Variants in MKRN2 observed in about 807,000 individuals in gnomAD.
The protein encoded by MKRN2 is E3 ubiquitin-protein ligase makorin-2.
A neutral mutation model predicts 45.4 loss-of-function variants in MKRN2; 32 were observed. The ratio of observed to expected loss-of-function variants is 0.70; its 90% CI spans 0.53 to 0.95. MKRN2 has a LOEUF of 0.95. Among genes scored for constraint, MKRN2 ranks in the 40% least tolerant of loss-of-function variants. The pLI is 0.00. For synonymous variants in MKRN2, 206 were observed against 192.4 expected (o/e 1.07, Z -0.59); for missense variants, 526 against 536.7 (o/e 0.98, Z 0.20).
At position 12,582,283 on chromosome 3, in the gene MKRN2, T is replaced by C; in HGVS notation, c.*30T>C. ...TAGATGGTTGCCCTGCATCTTGGGC[T>C]CCATCGGCCGAAACTTTCCCAAGCC... is the stretch of plus-strand genomic sequence containing the variant. On this transcript the variant is annotated 3_prime_UTR_variant, in exon 8 of 8. Coordinates refer to ENST00000170447, the MANE Select transcript of MKRN2 (RefSeq NM_014160.5). 6.2e-7 allele frequency: 1 copy of C among 1,609,722 alleles called. No individual in the cohort carries two copies. The highest frequency in any genetic ancestry group is 8.5e-7 in the Non-Finnish European group (1 of 1,176,430).
chr3:12,576,831 C>A, intron 6 of MKRN2, 90 bp downstream of exon 6: 1 of 805,004 alleles, frequency 1.2e-6, no homozygotes, highest in Non-Finnish European at 2.0e-6. Flanking sequence ...GGAGTGTGGT[C>A]TTAGGGGCCT....
Position 12,572,270 on chromosome 3 carries a change from G to A in MKRN2, c.539G>A (p.Arg180Gln), listed in dbSNP as rs771495910. The A allele has an allele frequency of 1.5e-5, 24 of 1,613,932 alleles. No individual in the cohort carries two copies. The highest frequency in any genetic ancestry group is 8.0e-5 in the African/African-American group (6 of 74,888). The change falls in exon 4 of 8, where the codon CGG (arginine) becomes CAG (glutamine). Residue 180 changes from arginine (R) to glutamine (Q), a missense_variant. By Grantham distance (43) the Arg-to-Gln change is conservative. Transcript: ENST00000170447. ...LCPYAAAGEC[R>Q]FGDACVYLHG... ...CCCTACGCAGCTGCTGGGGAGTGCC[G>A]GTTTGGGGATGCCTGTGTCTACCTG...
intron 6 of MKRN2, 190 bp downstream of exon 6, chr3:12,576,931 G>GTGTTTTTGTTTTTTTTT (rs1175738358): frequency 1.6e-5 from 2 of 124,118 alleles, no homozygotes; most frequent in African/African-American, 1.1e-4. Context: ...TTTAGTTTTG[G>GTGTTTTTGTTTTTTTTT]TGTTTTTTTT....
chr3:12,565,267 G>A (rs946953540), intron 1 of MKRN2, among the ~76,000 whole-genome samples: 30 of 152,228 alleles, frequency 2.0e-4, no homozygotes, highest in African/African-American at 7.2e-4. Context: ...TAGGTCCCAC[G>A]TACAGCCTCT....
chr3:12,572,316 C>G lies in MKRN2; in HGVS notation c.585C>G (p.Ile195Met). The G allele has an allele frequency of 6.2e-7, 1 of 1,610,528 alleles. No homozygotes were observed. Among genetic ancestry groups the G allele is most frequent in the Non-Finnish European group, 8.5e-7 (1 of 1,177,288 alleles). ...CVYLHGEVCE[I>M]CRLQVLHPFD... ...ACCTGCACGGGGAGGTGTGTGAAAT[C>G]TGTAGGCTGCAAGTCTTGCACCCAT... The change falls in exon 4 of 8, where the codon ATC becomes ATG. Residue 195 changes from isoleucine (I) to methionine (M), a missense_variant. Physicochemically the swap from Ile to Met is conservative, Grantham distance 10. Transcript: ENST00000170447.
chr3:12,568,681 T>A (rs2058082342), intron 1 of MKRN2, among the ~76,000 whole-genome samples, 194 bp from the exon 2 acceptor site: 1 of 152,208 alleles, frequency 6.6e-6, no homozygotes, highest in Non-Finnish European at 1.5e-5. Flanking sequence ...AAAGCTGTCA[T>A]TGAATCAGTT....
At chr3:12,569,093 T>C in intron 2 of MKRN2, 90 bp downstream of exon 2, 2 of 1,421,202 alleles carry the variant, frequency 1.4e-6, no homozygotes, top group Non-Finnish European at 1.9e-6. Context: ...GTAAAAGTAA[T>C]ATGGCAACAT....
chr3:12,577,491 GA>G (rs1445791978), intron 6 of MKRN2, among the ~76,000 whole-genome samples: 1 of 151,234 alleles, frequency 6.6e-6, no homozygotes, highest in Non-Finnish European at 1.5e-5. Context: ...TCATCTCCTT[GA>G]ACATAGTTGT....
chr3:12,563,133 A>G (rs1222737302), intron 1 of MKRN2, among the ~76,000 whole-genome samples: 2 of 152,144 alleles, frequency 1.3e-5, no homozygotes, highest in Non-Finnish European at 2.9e-5. Context: ...GGATGGCACC[A>G]TTGTATAGTC....
intron 5 of MKRN2, among the ~76,000 whole-genome samples, chr3:12,575,463 A>G (rs554660242): frequency 7.9e-5 from 12 of 152,320 alleles, no homozygotes; most frequent in Admixed American, 3.3e-4. Flanking sequence ...GATGTGCTCA[A>G]TGTGGCCAAC....
rs1256621194 is a variant in MKRN2 at position 12,575,001 on chromosome 3, C to T, written c.852C>T (p.Ile284=). 1 of 1,613,570 alleles carries T rather than the reference C, an allele frequency of 6.2e-7. No individual in the cohort carries two copies. The highest frequency in any genetic ancestry group is 8.5e-7 in the Non-Finnish European group (1 of 1,179,494). ...WRCAKQFENP[I]IKSCPECRVI... The stretch of plus-strand genomic sequence containing the variant: ...GTGCCAAACAGTTTGAAAACCCAAT[C>T]ATTAAGTAAGTACAGCCAGGGGTCT... The change falls in exon 5 of 8, where the codon ATC becomes ATT. Residue 284 remains isoleucine, a synonymous_variant. Transcript: ENST00000170447.
At chr3:12,566,973 T>A (rs993557612) in intron 1 of MKRN2, among the ~76,000 whole-genome samples, 4 of 152,212 alleles carry the variant, frequency 2.6e-5, no homozygotes, top group African/African-American at 9.6e-5. Context: ...TTTCAGCATA[T>A]TGAGCATATG....
intron 6 of MKRN2, among the ~76,000 whole-genome samples, chr3:12,577,756 A>G (rs1363350330): frequency 2.0e-5 from 3 of 151,444 alleles, no homozygotes; most frequent in Non-Finnish European, 4.4e-5. Flanking sequence ...GCTCACTGCA[A>G]CCTCTGCCTC....
chr3:12,576,933 G>GTTTTTGTTTTTTTT lies in MKRN2; in HGVS notation c.968+197_968+198insGTTTTTTTTTTTTT, dbSNP rs56380121. On this transcript the variant is annotated intron_variant, in intron 6 of 7. Transcript: ENST00000170447. ...TGATGTGGACCTGTTTAGTTTTGGT[G>GTTTTTGTTTTTTTT]TTTTTTTTTTTTTTTTTTTTTTTTC... The GTTTTTGTTTTTTTT allele has an allele frequency of 1.6e-3, 87 of 55,992 alleles. 14 individuals carry two copies. Among genetic ancestry groups the GTTTTTGTTTTTTTT allele is most frequent in the African/African-American group, 5.2e-3 (41 of 7,896 alleles). 3.5% of individuals were successfully genotyped at this position (55,992 alleles called of 1,614,324 possible).
chr3:12,580,691 T>G (rs2058171755), intron 6 of MKRN2, among the ~76,000 whole-genome samples: 3 of 152,262 alleles, frequency 2.0e-5, no homozygotes, highest in African/African-American at 7.2e-5. Flanking sequence ...ACTCCTGACC[T>G]CAAGTGATCC....
rs1031324470 is a variant in MKRN2, at chr3:12,582,166, G to A, written c.1164G>A (p.Arg388=). 24 of 1,614,014 alleles carry A rather than the reference G, an allele frequency of 1.5e-5. No individual in the cohort carries two copies. The highest frequency in any genetic ancestry group is 1.9e-5 in the Non-Finnish European group (23 of 1,180,010). Residue 388 remains arginine (R), a synonymous_variant, in exon 8 of 8, where the codon CGG becomes CGA. Coordinates refer to ENST00000170447, the MANE Select transcript of MKRN2 (RefSeq NM_014160.5). The part of the protein sequence containing the change: ...LWDFIENRES[R]HVPNNEDVDM... The stretch of plus-strand genomic sequence containing the variant: ...ATTTCATCGAGAACCGAGAAAGCCG[G>A]CATGTCCCCAACAATGAAGATGTCG...
chr3:12,565,894 C>A (rs1453718087), intron 1 of MKRN2, among the ~76,000 whole-genome samples: 1 of 151,904 alleles, frequency 6.6e-6, no homozygotes, highest in Non-Finnish European at 1.5e-5. Flanking sequence ...TGTTTTGAGA[C>A]AGGGTCTTGC....
chr3:12,558,225 T>C (rs532931623), intron 1 of MKRN2, among the ~76,000 whole-genome samples: 1 of 152,368 alleles, frequency 6.6e-6, no homozygotes, highest in East Asian at 1.9e-4. Flanking sequence ...GTACATTTAC[T>C]GTTCAATTTA....
chr3:12,576,896 G>T, intron 6 of MKRN2, 155 bp downstream of exon 6: 1 of 380,600 alleles, frequency 2.6e-6, no homozygotes, highest in Non-Finnish European at 4.9e-6. Context: ...GCAGCAATGA[G>T]CAAGGACATG....
Sources: gnomAD v4.1 joint callset for allele counts (sites outside exome capture counted in the v4.1 genomes callset) on GRCh38, gnomAD v4.1.1 for gene constraint, MANE v1.5 for transcripts, NCBI Gene and HGNC (gene_info 2026-07-23, HGNC 2026-07-21) for gene names.